Variants in FAT3 observed in about 807,000 individuals in gnomAD.
FAT3 encodes the protein FAT atypical cadherin 3.
In FAT3, 95 loss-of-function variants were observed where a neutral mutation model predicts 310.2. That is an observed-to-expected ratio of 0.31 (90% CI 0.26 to 0.36). FAT3 has a LOEUF of 0.36. Ranked by LOEUF, FAT3 falls within the 10% of genes least tolerant of loss-of-function variation. The probability of loss-of-function intolerance (pLI) is 1.00; values close to 1 mark genes in which losing one functional copy is unlikely to be tolerated. For missense variants in FAT3, 5,408 were observed against 5,715.6 expected (o/e 0.95, Z 1.74); for synonymous variants, 2,314 against 2,192.9 (o/e 1.06, Z -1.54).
chr11:92,617,928 A>G (rs748691255), intron 3 of FAT3, among the ~76,000 whole-genome samples: 4 of 152,168 alleles, frequency 2.6e-5, no homozygotes, highest in Non-Finnish European at 5.9e-5. Context: ...CTACTCGGGC[A>G]TCAGGGCCCA....
At chr11:92,337,841 T>C (rs533084059) in intron 1 of FAT3, among the ~76,000 whole-genome samples, 1 of 152,374 alleles carries the variant, frequency 6.6e-6, no homozygotes, top group South Asian at 2.1e-4. Context: ...TAATATCATT[T>C]ACTCTTGTAA....
chr11:92,758,901 T>C (rs1159843387), intron 4 of FAT3, among the ~76,000 whole-genome samples: 1 of 152,072 alleles, frequency 6.6e-6, no homozygotes, highest in Non-Finnish European at 1.5e-5. Flanking sequence ...AGGGGTGCCA[T>C]TTATTAAGAC....
intron 7 of FAT3, among the ~76,000 whole-genome samples, chr11:92,788,474 G>T (rs142632713): frequency 1.1e-3 from 172 of 152,254 alleles, no homozygotes; most frequent in African/African-American, 3.8e-3. Flanking sequence ...CCAAATAGTT[G>T]AGAAGTTTCT....
intron 2 of FAT3, among the ~76,000 whole-genome samples, chr11:92,480,642 G>T (rs542823953): frequency 1.3e-5 from 2 of 152,216 alleles, no homozygotes; most frequent in Admixed American, 6.5e-5. Context: ...TATGATGCAT[G>T]TGGCTTTTCC....
At chr11:92,749,162 T>C (rs756378139) in intron 4 of FAT3, 5 of 152,232 alleles carry the variant, frequency 3.3e-5, no homozygotes, top group African/African-American at 4.8e-5. Flanking sequence ...AGATAAAAAG[T>C]GGAGCGTAAA....
At chr11:92,801,971 CG>C in intron 10 of FAT3, 62 bp downstream of exon 10, 1 of 1,467,786 alleles carries the variant, frequency 6.8e-7, no homozygotes, top group Non-Finnish European at 9.3e-7. Flanking sequence ...TGGAAGATGG[CG>C]GGGAGAAGAG....
intron 2 of FAT3, among the ~76,000 whole-genome samples, chr11:92,515,311 C>T (rs1953441567): frequency 6.6e-6 from 1 of 152,184 alleles, no homozygotes; most frequent in East Asian, 1.9e-4. Flanking sequence ...AACAGACTCT[C>T]TTTGAAGAGA....
chr11:92,240,277 T>C (rs1246592659), intron 1 of FAT3, among the ~76,000 whole-genome samples: 2 of 152,068 alleles, frequency 1.3e-5, no homozygotes, highest in Admixed American at 1.3e-4. Context: ...CTTGTGACAT[T>C]TAAAGCTTGG....
intron 6 of FAT3, 149 bp from the exon 7 acceptor site, chr11:92,773,892 A>G: frequency 1.5e-6 from 1 of 669,138 alleles, no homozygotes; most frequent in Non-Finnish European, 2.5e-6. Flanking sequence ...TTAGAAATAA[A>G]GAGGTCCCAT....
intron 3 of FAT3, among the ~76,000 whole-genome samples, chr11:92,655,162 C>A (rs1443634966): frequency 6.6e-6 from 1 of 152,154 alleles, no homozygotes; most frequent in Non-Finnish European, 1.5e-5. Context: ...TATTAGTTAT[C>A]ATGTGGCATT....
intron 3 of FAT3, 147 bp downstream of exon 3, chr11:92,525,095 T>G (rs547754521): frequency 1.4e-6 from 1 of 690,306 alleles, no homozygotes; most frequent in South Asian, 1.9e-5. Flanking sequence ...TGAGTGCCAC[T>G]TCTGCCTATG....
At chr11:92,836,522 C>T (rs1948412838) in intron 15 of FAT3, 44 bp from the exon 16 acceptor site, 1 of 1,601,090 alleles carries the variant, frequency 6.2e-7, no homozygotes, top group Non-Finnish European at 8.5e-7. Context: ...ACCTTTGCTG[C>T]CTTATGTCAT....
At position 92,236,716 on chromosome 11, in the gene FAT3, A is replaced by G. The variant is rs564607635; in HGVS notation, c.-18+11542A>G. Among the ~76,000 whole-genome samples, 7 of 152,306 alleles carry G rather than the reference A, an allele frequency of 4.6e-5. No homozygotes were observed. In the South Asian group the frequency reaches 1.2e-3, roughly 27 times the overall value. On this transcript the variant is annotated intron_variant, in intron 1 of 27. Coordinates refer to ENST00000525166, the MANE Select transcript of FAT3 (RefSeq NM_001367949.2). ...CACATAATTCATAATATTGGAGTCT[A>G]TATCCCTGAATCTTTCTTGTACTTA...
intron 2 of FAT3, among the ~76,000 whole-genome samples, chr11:92,358,169 G>A (rs4121645): frequency 6.6e-6 from 1 of 151,732 alleles, no homozygotes; most frequent in African/African-American, 2.4e-5. Context: ...AGAGTGACAC[G>A]CTGTCTTAAA....
chr11:92,515,724 T>G (rs927722744), intron 2 of FAT3, among the ~76,000 whole-genome samples: 7 of 152,034 alleles, frequency 4.6e-5, no homozygotes, highest in Non-Finnish European at 1.0e-4. Context: ...GTAATAAATA[T>G]TTGTTGAATG....
intron 2 of FAT3, among the ~76,000 whole-genome samples, chr11:92,486,656 C>T (rs893577855): frequency 6.6e-6 from 1 of 152,126 alleles, no homozygotes; most frequent in Non-Finnish European, 1.5e-5. Context: ...TTGGTTTCCT[C>T]CAGACATTTC....
chr11:92,322,272 C>G (rs1947640956), intron 1 of FAT3, among the ~76,000 whole-genome samples: 1 of 152,096 alleles, frequency 6.6e-6, no homozygotes, highest in Admixed American at 6.6e-5. Flanking sequence ...TAACATTATG[C>G]CTTAAAAAAT....
At chr11:92,325,046 C>G (rs941835983) in intron 1 of FAT3, among the ~76,000 whole-genome samples, 1 of 152,162 alleles carries the variant, frequency 6.6e-6, no homozygotes, top group Non-Finnish European at 1.5e-5. Flanking sequence ...TAAATTATGT[C>G]AAGTCTCTGG....
intron 3 of FAT3, among the ~76,000 whole-genome samples, chr11:92,531,029 A>T (rs1290764069): frequency 6.6e-6 from 1 of 152,194 alleles, no homozygotes; most frequent in Non-Finnish European, 1.5e-5. Context: ...CCTAATAAAA[A>T]GCTAAATTCT....
Sources: gnomAD v4.1 joint callset for allele counts (sites outside exome capture counted in the v4.1 genomes callset) on GRCh38, gnomAD v4.1.1 for gene constraint, MANE v1.5 for transcripts, NCBI Gene and HGNC (gene_info 2026-07-23, HGNC 2026-07-21) for gene names.